POMT2: variants seen among roughly 807,000 people sequenced by gnomAD.
POMT2 encodes the protein protein O-mannosyltransferase 2.
POMT2 carries 75 observed loss-of-function variants against 100.0 expected under a neutral mutation model. That is an observed-to-expected ratio of 0.75 (90% CI 0.62 to 0.91). POMT2 has a LOEUF of 0.91. Ranked by LOEUF, POMT2 falls within the 40% of genes least tolerant of loss-of-function variation. POMT2 has a pLI of 0.00. For synonymous variants in POMT2, 378 were observed against 374.1 expected (o/e 1.01, Z -0.12); for missense variants, 940 against 955.1 (o/e 0.98, Z 0.21).
Position 77,284,989 on chromosome 14 carries a change from T to C in POMT2, c.1537A>G (p.Asn513Asp), listed in dbSNP as rs117173425. The change falls in exon 14 of 21, where the codon AAC becomes GAC. Residue 513 changes from asparagine to aspartate, a missense_variant. Transcript: ENST00000261534. ...TCTPYLKETLNSIWNVEDHIN... is the reference protein window; with the variant it reads ...TCTPYLKETLDSIWNVEDHIN... ...TGGTCCTCCACATTCCAGATGGAGT[T>C]GAGGGTTTCTTTCAGGTATGGGGTG... 4.1e-4 allele frequency: 655 copies of C among 1,613,580 alleles called. 9 individuals carry two copies. In the East Asian group the frequency reaches 0.01, roughly 25 times the overall value.
At chr14:77,299,023 C>G (rs1299699394) in intron 7 of POMT2, among the ~76,000 whole-genome samples, 1 of 152,154 alleles carries the variant, frequency 6.6e-6, no homozygotes, top group Non-Finnish European at 1.5e-5. Context: ...TTTAAAGAAA[C>G]CAAGAGAAGT....
intron 7 of POMT2, 145 bp downstream of exon 7, chr14:77,299,310 C>T (rs1269646061): frequency 2.7e-6 from 2 of 739,520 alleles, no homozygotes; most frequent in Non-Finnish European, 4.8e-6. Context: ...AAGGATAGAA[C>T]ATAGCAGGAA....
chr14:77,306,435 T>C lies in POMT2; in HGVS notation c.340A>G (p.Ile114Val). Residue 114 changes from isoleucine (I) to valine (V), a missense_variant, in exon 3 of 21, where the codon ATA becomes GTA. By Grantham distance (29) the Ile-to-Val change is conservative (BLOSUM62 3). Transcript: ENST00000261534. Reference sequence around the variant, plus strand: ...CCACTCAGGTAGCCAGCAAGACCTATCAGCATCTGAGGAGAGAAGAACAAA... The same window carrying C: ...CCACTCAGGTAGCCAGCAAGACCTACCAGCATCTGAGGAGAGAAGAACAAA... ...DVHPPLGKMLIGLAGYLSGYD... is the reference protein window; with the variant it reads ...DVHPPLGKMLVGLAGYLSGYD... 6.2e-7 allele frequency: 1 copy of C among 1,612,450 alleles called. No homozygotes were observed. Among genetic ancestry groups the C allele is most frequent in the Non-Finnish European group, 8.5e-7 (1 of 1,178,644 alleles).
intron 2 of POMT2, chr14:77,308,892 A>G (rs909519480): frequency 2.8e-6 from 1 of 354,780 alleles, no homozygotes; most frequent in African/African-American, 2.2e-5. Context: ...GTTCACTGCA[A>G]TATCTTTTGT....
Position 77,291,294 on chromosome 14 carries a change from T to A in POMT2, c.1183+20A>T. The A allele has an allele frequency of 6.2e-7, 1 of 1,605,486 alleles. No individual in the cohort carries two copies. Among genetic ancestry groups the A allele is most frequent in the Non-Finnish European group, 8.5e-7 (1 of 1,175,076 alleles). On this transcript the variant is annotated intron_variant, in intron 10 of 20. Transcript: ENST00000261534. ...AGAGGGAGTAACAGCACAAGAAGCA[T>A]CAGTCTCTGACCACATTACCTGAGT...
chr14:77,300,926 C>T, intron 6 of POMT2, 164 bp downstream of exon 6: 1 of 1,297,230 alleles, frequency 7.7e-7, no homozygotes, highest in Non-Finnish European at 1.1e-6. Context: ...GCCGGGCCCA[C>T]TCCCTGATGT....
At chr14:77,313,704 T>C (rs1193220909) in intron 1 of POMT2, among the ~76,000 whole-genome samples, 4 of 152,188 alleles carry the variant, frequency 2.6e-5, no homozygotes, top group Non-Finnish European at 5.9e-5. Context: ...TTTTGTTTTG[T>C]TTTGTTTTTG....
In POMT2 at chr14:77,311,960, G is replaced by A. The variant is rs1555355402; in HGVS notation, c.322C>T (p.Pro108Ser). 1.2e-6 allele frequency: 2 copies of A among 1,614,058 alleles called. No homozygotes were observed. Among genetic ancestry groups the A allele is most frequent in the South Asian group, 1.1e-5 (1 of 91,064 alleles). ...ACCACACTGCTCACCTTTCCCAGGG[G>A]CGGGTGCACATCAAAGAAAAATGTA... is the stretch of plus-strand genomic sequence containing the variant. ...NRTFFFDVHP[P>S]LGKMLIGLAG... The change falls in exon 2 of 21, where the codon CCC (proline) becomes TCC (serine). Residue 108 changes from proline to serine, a missense_variant. By Grantham distance (74) the Pro-to-Ser change is moderately conservative. Transcript: ENST00000261534.
In POMT2 at chr14:77,301,136, G is replaced by A; in HGVS notation, c.770C>T (p.Thr257Ile). ...GAACAGGTACCAAAGGTCTGCAATG[G>A]TGTTCAGCCCCACTTGAAGGATGAT... ...LFIILQVGLN[T>I]IADLWYLFGD... Residue 257 changes from threonine (T) to isoleucine (I), a missense_variant, in exon 6 of 21, where the codon ACC (threonine) becomes ATC (isoleucine). By Grantham distance (89) the Thr-to-Ile change is moderately conservative (BLOSUM62 -1). Coordinates refer to ENST00000261534, the MANE Select transcript of POMT2 (RefSeq NM_013382.7). 1 of 1,614,230 alleles carries A rather than the reference G, an allele frequency of 6.2e-7. No individual in the cohort carries two copies. Among genetic ancestry groups the A allele is most frequent in the Admixed American group, 1.7e-5 (1 of 60,024 alleles).
At chr14:77,287,826 T>C (rs1253873992) in intron 11 of POMT2, 3 of 152,264 alleles carry the variant, frequency 2.0e-5, no homozygotes, top group Non-Finnish European at 1.5e-5. Context: ...TCTAGGATCA[T>C]GTTCATTTAA....
chr14:77,316,922 G>T (rs562015714), intron 1 of POMT2, among the ~76,000 whole-genome samples: 2 of 152,324 alleles, frequency 1.3e-5, no homozygotes, highest in South Asian at 4.2e-4. Context: ...AACACATCAT[G>T]GCTGCCTGCC....
chr14:77,320,615 G>A lies in POMT2; in HGVS notation c.67C>T (p.Pro23Ser), dbSNP rs765768598. The A allele has an allele frequency of 3.1e-6, 5 of 1,589,230 alleles. No individual in the cohort carries two copies. The highest frequency in any genetic ancestry group is 1.1e-5 in the South Asian group (1 of 89,992). ...CGGCCTGCGGCCCTAGCAGCCTGGG[G>A]GCCACAGCGGCCCCTCCGGGGACGC... Reference protein sequence around the residue: ...ELRPRRGRCGPQAARAAGRDV... With the variant: ...ELRPRRGRCGSQAARAAGRDV... The change falls in exon 1 of 21, where the codon CCC (proline) becomes TCC (serine). Residue 23 changes from proline to serine, a missense_variant. Transcript: ENST00000261534.
chr14:77,297,436 G>A (rs1260268326), intron 8 of POMT2, among the ~76,000 whole-genome samples: 2 of 152,108 alleles, frequency 1.3e-5, no homozygotes, highest in Non-Finnish European at 2.9e-5. Flanking sequence ...TTACTTGTCT[G>A]ATTCCTCCTT....
Position 77,277,122 on chromosome 14 carries a change from C to A in POMT2, c.*254G>T. 1 of 537,862 alleles carries A rather than the reference C, an allele frequency of 1.9e-6. No individual in the cohort carries two copies. The highest frequency in any genetic ancestry group is 2.0e-5 in the South Asian group (1 of 50,094). 33.3% of individuals were successfully genotyped at this position (537,862 alleles called of 1,614,324 possible). A position where few individuals can be genotyped will look rare whatever the true frequency, so the allele number is the denominator to read the frequency against. ...CCCACCCTCTGGCACCCATCCTCCC[C>A]TGCGCTGTGCACGAGGGAGCAGCCC... On this transcript the variant is annotated 3_prime_UTR_variant, in exon 21 of 21. Coordinates refer to ENST00000261534, the MANE Select transcript of POMT2 (RefSeq NM_013382.7).
chr14:77,300,912 C>G (rs1262836199), intron 6 of POMT2, 178 bp downstream of exon 6: 3 of 1,071,654 alleles, frequency 2.8e-6, no homozygotes, highest in Non-Finnish European at 4.2e-6. Context: ...CTATCCAGTC[C>G]TCAGCCGGGC....
At chr14:77,279,736 G>A (rs1566643594) in intron 18 of POMT2, 87 bp downstream of exon 18, 3 of 1,315,974 alleles carry the variant, frequency 2.3e-6, no homozygotes, top group Non-Finnish European at 3.2e-6. Flanking sequence ...GCAAAGGATG[G>A]CCCATCAGCA....
At chr14:77,300,017 T>G in intron 6 of POMT2, 1 of 253,230 alleles carries the variant, frequency 3.9e-6, no homozygotes, top group South Asian at 5.0e-5. Context: ...CCGAGTGCCC[T>G]TTTCTGTGCT....
At chr14:77,295,559 G>A (rs1033216083) in intron 9 of POMT2, among the ~76,000 whole-genome samples, 5 of 151,468 alleles carry the variant, frequency 3.3e-5, no homozygotes, top group Non-Finnish European at 5.9e-5. Flanking sequence ...GTGAACCCGG[G>A]AGGCGGAGTT....
intron 20 of POMT2, among the ~76,000 whole-genome samples, chr14:77,277,987 C>T (rs371595187): frequency 2.1e-4 from 32 of 152,020 alleles, no homozygotes; most frequent in Non-Finnish European, 4.0e-4. Flanking sequence ...CATTGCCCCC[C>T]GGTTCCCCCC....
Sources: gnomAD v4.1 joint callset for allele counts (sites outside exome capture counted in the v4.1 genomes callset) on GRCh38, gnomAD v4.1.1 for gene constraint, MANE v1.5 for transcripts, NCBI Gene and HGNC (gene_info 2026-07-23, HGNC 2026-07-21) for gene names.